The following IQCH variants were observed in gnomAD, a reference collection of about 807,000 sequenced individuals.
IQCH encodes the protein IQ domain-containing protein H.
A neutral mutation model predicts 117.0 loss-of-function variants in IQCH; 98 were observed. That is an observed-to-expected ratio of 0.84 (90% CI 0.71 to 0.99). The LOEUF is 0.99. IQCH is among the 50% of genes least tolerant of loss of function. The probability of loss-of-function intolerance (pLI) is 0.00; values close to 1 mark genes in which losing one functional copy is unlikely to be tolerated. For synonymous variants in IQCH, 412 were observed against 448.2 expected, an observed-to-expected ratio of 0.92 and a Z score of 1.02; for missense variants, 1,102 against 1,243.8, an observed-to-expected ratio of 0.89 and a Z score of 1.72.
chr15:67,400,356 G>A (rs771150565), intron 14 of IQCH, 51 bp downstream of exon 14: 2 of 1,403,318 alleles, frequency 1.4e-6, no homozygotes, highest in South Asian at 1.2e-5. Flanking sequence ...ACAGTTAGGG[G>A]ACGAAGCAAA....
Position 67,390,731 on chromosome 15 carries a change from C to T in IQCH, c.1632+1725C>T, listed in dbSNP as rs1305824277. Among the ~76,000 whole-genome samples the T allele has an allele frequency of 2.0e-5, 3 of 152,128 alleles. No homozygotes were observed. Among genetic ancestry groups the T allele is most frequent in the African/African-American group, 4.8e-5 (2 of 41,436 alleles). On this transcript the variant is annotated intron_variant, in intron 12 of 20. Transcript: ENST00000335894. This position sits in a 1 kb window ranked among gnomAD's most constrained non-coding sequence, Gnocchi z 5.0. ...CTCGAACTCCTGACCTCAAGTGATC[C>T]GCCTGCCTTGGCCTCCCAAAGTGCT...
rs533711734 is a variant in IQCH, at chr15:67,297,658, A to C, written c.387+18146A>C. Among the ~76,000 whole-genome samples the C allele has an allele frequency of 1.3e-4, 20 of 152,204 alleles. No homozygotes were observed. In the South Asian group the frequency reaches 4.1e-3, roughly 32 times the overall value. ...CCCAGTCCATGCGCAATTTTCCCCA[A>C]TTGTCTTTAAATTGTCATTCTACTA... On this transcript the variant is annotated intron_variant, in intron 4 of 20. Coordinates refer to ENST00000335894, the MANE Select transcript of IQCH (RefSeq NM_001031715.3).
At position 67,286,073 on chromosome 15, in the gene IQCH, G is replaced by A. The variant is rs185335241; in HGVS notation, c.387+6561G>A. ...TTGATTCTTCCAATCCATGAACATG[G>A]AATATCTTTCCCTTTTTTGATATCC... On this transcript the variant is annotated intron_variant, in intron 4 of 20. Transcript: ENST00000335894. Among the ~76,000 whole-genome samples, 5 of 152,196 alleles carry A rather than the reference G, an allele frequency of 3.3e-5. No homozygotes were observed. The East Asian group carries it at 9.6e-4, about 29-fold the overall frequency.
chr15:67,464,163 A>G (rs576320766), intron 16 of IQCH, among the ~76,000 whole-genome samples: 110 of 152,148 alleles, frequency 7.2e-4, no homozygotes, highest in Non-Finnish European at 1.2e-3. Context: ...GCCTATGCCT[A>G]TTTACCTTTG....
chr15:67,411,574 AG>A lies in IQCH; in HGVS notation c.2098-5356del, dbSNP rs532391279. On this transcript the variant is annotated intron_variant, in intron 14 of 20. Coordinates refer to ENST00000335894, the MANE Select transcript of IQCH (RefSeq NM_001031715.3). The surrounding 1 kb of genome is among the most constrained non-coding windows in gnomAD (Gnocchi z 4.4). ...GGAGATTTGAGGTGATTAACCAAAA[AG>A]TTATTAATTCACCACTGCAGATTGG... 1.8e-3 allele frequency among the ~76,000 whole-genome samples: 281 copies of A among 152,314 alleles called. 2 individuals carry two copies. The highest frequency in any genetic ancestry group is 6.5e-3 in the African/African-American group (270 of 41,570).
At chr15:67,351,252 C>G (rs1567118638) in intron 6 of IQCH, among the ~76,000 whole-genome samples, 2 of 152,026 alleles carry the variant, frequency 1.3e-5, no homozygotes, top group South Asian at 4.2e-4. Context: ...CCCCCCACCC[C>G]CCAACAGTCC....
intron 1 of IQCH, among the ~76,000 whole-genome samples, chr15:67,256,767 A>G (rs1311095763): frequency 6.6e-6 from 1 of 152,236 alleles, no homozygotes; most frequent in Non-Finnish European, 1.5e-5. Context: ...AGTCATATCC[A>G]TGTTGATCTG....
intron 4 of IQCH, among the ~76,000 whole-genome samples, chr15:67,335,846 T>C (rs1367905076): frequency 1.3e-5 from 2 of 152,224 alleles, no homozygotes; most frequent in South Asian, 2.1e-4. Flanking sequence ...AAGTGTTTGA[T>C]GTTCATGGTG....
intron 4 of IQCH, among the ~76,000 whole-genome samples, chr15:67,329,868 A>T (rs1968585912): frequency 6.6e-6 from 1 of 152,024 alleles, no homozygotes; most frequent in Non-Finnish European, 1.5e-5. Flanking sequence ...ATAGTGAATT[A>T]TATATGTGTG....
Position 67,417,167 on chromosome 15 carries a change from G to A in IQCH, c.2218+116G>A, listed in dbSNP as rs2081598031. 6.1e-6 allele frequency: 5 copies of A among 813,546 alleles called. No homozygotes were observed. The Admixed American group carries it at 1.4e-4, about 22-fold the overall frequency. 50.4% of individuals were successfully genotyped at this position (813,546 alleles called of 1,614,324 possible). Reference sequence around the variant, plus strand: ...GCATCTCCTGTGTTGGTTTAGAAAAGTGCTCCTACGGTTTTCTTTTTCAAA... The same window carrying A: ...GCATCTCCTGTGTTGGTTTAGAAAAATGCTCCTACGGTTTTCTTTTTCAAA... On this transcript the variant is annotated intron_variant, in intron 15 of 20. Coordinates refer to ENST00000335894, the MANE Select transcript of IQCH (RefSeq NM_001031715.3). The surrounding 1 kb of genome is among the most constrained non-coding windows in gnomAD (Gnocchi z 4.3).
At chr15:67,310,752 A>G (rs566347591) in intron 4 of IQCH, among the ~76,000 whole-genome samples, 42 of 152,272 alleles carry the variant, frequency 2.8e-4, no homozygotes, top group Admixed American at 2.1e-3. Context: ...TTGCAATGTT[A>G]TTCTGTTTAC....
chr15:67,389,229 A>T (rs1971203430), intron 12 of IQCH, among the ~76,000 whole-genome samples: 1 of 152,200 alleles, frequency 6.6e-6, no homozygotes, highest in Admixed American at 6.5e-5. Context: ...TTGTAGCCTA[A>T]TTCCAGTTAC....
rs1473601414 is a variant in IQCH at position 67,416,803 on chromosome 15, T to A, written c.2098-128T>A. 3 of 629,898 alleles carry A rather than the reference T, an allele frequency of 4.8e-6. No homozygotes were observed. The highest frequency in any genetic ancestry group is 7.2e-6 in the Non-Finnish European group (3 of 414,216). The allele number at this position is 629,898 out of a possible 1,614,324, so 39.0% of individuals were successfully genotyped here. A position where few individuals can be genotyped will look rare whatever the true frequency, so the allele number is the denominator to read the frequency against. ...AAGAGAGAACATTTTCAAAATGGCT[T>A]TCTGACTCTGGGTAAACAGTAACCA... On this transcript the variant is annotated intron_variant, in intron 14 of 20. Transcript: ENST00000335894. The surrounding 1 kb of genome is among the most constrained non-coding windows in gnomAD (Gnocchi z 5.1).
chr15:67,395,297 C>G lies in IQCH; in HGVS notation c.1639C>G (p.His547Asp). 1 of 1,611,372 alleles carries G rather than the reference C, an allele frequency of 6.2e-7. No homozygotes were observed. The highest frequency in any genetic ancestry group is 1.3e-5 in the African/African-American group (1 of 74,952). ...PEAVNIFPKH[H>D]MCLATHLMYS... ...TAATATGATCTTCCCCCAGAAGCAT[C>G]ATATGTGCCTGGCCACTCACCTGAT... Residue 547 changes from histidine to aspartate, a missense_variant, in exon 13 of 21, where the codon CAT (histidine) becomes GAT (aspartate). Around this residue, in one of 2 missense-constraint regions of IQCH, gnomAD observed 650 missense variants for 794.3 expected, o/e 0.82. Transcript: ENST00000335894. This position sits in a 1 kb window ranked among gnomAD's most constrained non-coding sequence, Gnocchi z 4.0.
At chr15:67,322,347 T>A (rs951418668) in intron 4 of IQCH, among the ~76,000 whole-genome samples, 4 of 152,250 alleles carry the variant, frequency 2.6e-5, no homozygotes, top group African/African-American at 9.6e-5. Flanking sequence ...ATCAGTCTTT[T>A]CTGTTGTTAC....
chr15:67,319,568 T>C (rs117029043), intron 4 of IQCH, among the ~76,000 whole-genome samples: 2 of 152,352 alleles, frequency 1.3e-5, no homozygotes, highest in Non-Finnish European at 2.9e-5. Flanking sequence ...GTGAAACTGT[T>C]TTCTGTACTG....
intron 7 of IQCH, among the ~76,000 whole-genome samples, chr15:67,358,198 C>CTTT (rs1190464651): frequency 5.5e-4 from 3 of 5,458 alleles, no homozygotes; most frequent in Non-Finnish European, 7.8e-4. Context: ...TCATGAGGCA[C>CTTT]TTTCTTTTCT....
At chr15:67,429,577 G>T (rs900418229) in intron 16 of IQCH, among the ~76,000 whole-genome samples, 4 of 152,116 alleles carry the variant, frequency 2.6e-5, no homozygotes, top group South Asian at 4.1e-4. Flanking sequence ...CATGAATAAC[G>T]ATAACAAAAA....
Position 67,458,373 on chromosome 15 carries a change from T to C in IQCH, c.2506-6754T>C, listed in dbSNP as rs775748928. Among the ~76,000 whole-genome samples the C allele has an allele frequency of 7.2e-5, 11 of 152,248 alleles. No homozygotes were observed. The highest frequency in any genetic ancestry group is 7.3e-5 in the Non-Finnish European group (5 of 68,048). Reference sequence around the variant, plus strand: ...TCAATAAGTCCTTTTAGTTCTACTTTTGAAAAATATCTATAATACAACCAC... The same window carrying C: ...TCAATAAGTCCTTTTAGTTCTACTTCTGAAAAATATCTATAATACAACCAC... On this transcript the variant is annotated intron_variant, in intron 16 of 20. Transcript: ENST00000335894. This position sits in a 1 kb window ranked among gnomAD's most constrained non-coding sequence, Gnocchi z 4.1.
Sources: gnomAD v4.1 joint callset for allele counts (sites outside exome capture counted in the v4.1 genomes callset) on GRCh38, gnomAD v4.1.1 for gene constraint, gnomAD v4.1.1 regional missense constraint, Gnocchi (gnomAD v3.1) non-coding constraint, MANE v1.5 for transcripts, NCBI Gene and HGNC (gene_info 2026-07-23, HGNC 2026-07-21) for gene names.